The following TBXAS1 variants were observed in gnomAD, a reference collection of about 807,000 sequenced individuals.
The protein encoded by TBXAS1 is thromboxane A synthase 1.
A neutral mutation model predicts 60.7 loss-of-function variants in TBXAS1; 48 were observed. The ratio of observed to expected loss-of-function variants is 0.79; its 90% CI spans 0.63 to 1.01. The LOEUF is 1.01. Ranked by LOEUF, TBXAS1 falls within the 50% of genes least tolerant of loss-of-function variation. The pLI is 0.00. For synonymous variants in TBXAS1, 287 were observed against 269.7 expected (o/e 1.06, Z -0.63); for missense variants, 685 against 686.3 (o/e 1.00, Z 0.02).
At chr7:139,913,385 C>T in intron 4 of TBXAS1, 1 of 494,410 alleles carries the variant, frequency 2.0e-6, no homozygotes, top group Non-Finnish European at 3.7e-6. Flanking sequence ...GCACGGACCA[C>T]CAAGCCACAT....
intron 4 of TBXAS1, among the ~76,000 whole-genome samples, chr7:139,917,375 G>A (rs2117082252): frequency 6.6e-6 from 1 of 152,298 alleles, no homozygotes. Context: ...CCATAGCCCA[G>A]TGGTATGGCG....
At chr7:139,969,546 G>A (rs1415587383) in intron 9 of TBXAS1, among the ~76,000 whole-genome samples, 3 of 150,242 alleles carry the variant, frequency 2.0e-5, no homozygotes, top group Non-Finnish European at 4.4e-5. Flanking sequence ...AAAGGGTTGA[G>A]CAGGAAAAAA....
upstream of TBXAS1, chr7:139,829,073 T>C (rs142557574): frequency 8.7e-3 from 3,770 of 434,236 alleles, 31 homozygotes; most frequent in Middle Eastern, 0.02. Context: ...ACAACCATTT[T>C]GTTTCTCAGC....
chr7:139,951,909 GAAAGAAAGAGAGAAAGAA>G (rs1569518365), intron 5 of TBXAS1, among the ~76,000 whole-genome samples: 2 of 71,220 alleles, frequency 2.8e-5, no homozygotes, highest in African/African-American at 1.1e-4. Flanking sequence ...GAAAGAAAGA[GAAAGAAAGAGAGAAAGAA>G]AGAGAGAAAG....
intron 10 of TBXAS1, among the ~76,000 whole-genome samples, chr7:140,012,200 A>G (rs1814669612): frequency 6.6e-6 from 1 of 152,214 alleles, no homozygotes; most frequent in Non-Finnish European, 1.5e-5. Context: ...TACCTGGGAT[A>G]GGAAATGGCC....
At chr7:139,793,837 A>G (rs568699301) in intron 4 of TBXAS1, among the ~76,000 whole-genome samples, 102 of 152,298 alleles carry the variant, frequency 6.7e-4, no homozygotes, top group Non-Finnish European at 1.0e-3. Flanking sequence ...AAGTGTTGAG[A>G]CCAATCTGAC....
At chr7:139,909,895 C>T (rs909105136) in intron 3 of TBXAS1, among the ~76,000 whole-genome samples, 1 of 152,182 alleles carries the variant, frequency 6.6e-6, no homozygotes, top group East Asian at 1.9e-4. Flanking sequence ...TTGCTTTGCA[C>T]AGTTGGTAGT....
At chr7:139,829,560 T>A in intron 1 of TBXAS1, 81 bp downstream of exon 1, 4 of 1,323,644 alleles carry the variant, frequency 3.0e-6, no homozygotes, top group Non-Finnish European at 4.3e-6. Context: ...GCGGGGTATG[T>A]GGGAGTGTGT....
chr7:139,868,652 A>AT (rs71170918), intron 1 of TBXAS1, among the ~76,000 whole-genome samples: 20,012 of 105,018 alleles, frequency 0.19, 2,215 homozygotes, highest in Non-Finnish European at 0.26. Context: ...CCTGGCTAAT[A>AT]TTTTTTTTTT....
chr7:139,812,381 C>T (rs2116404000), intron 4 of TBXAS1, among the ~76,000 whole-genome samples: 1 of 152,284 alleles, frequency 6.6e-6, no homozygotes, highest in Middle Eastern at 3.4e-3. Flanking sequence ...AGATGCTTTA[C>T]CCTGAACCAA....
chr7:139,823,823 T>C (rs1047652836), intron 4 of TBXAS1, among the ~76,000 whole-genome samples: 3 of 152,168 alleles, frequency 2.0e-5, no homozygotes, highest in Admixed American at 1.3e-4. Flanking sequence ...ATGAAAAGTA[T>C]TGGTCACTTA....
intron 4 of TBXAS1, among the ~76,000 whole-genome samples, chr7:139,807,602 C>T (rs539314415): frequency 6.6e-6 from 1 of 152,226 alleles, no homozygotes; most frequent in East Asian, 1.9e-4. Context: ...CCAGGATGGT[C>T]TCGATCTCTT....
At chr7:139,882,506 G>A (rs1446372211) in intron 3 of TBXAS1, among the ~76,000 whole-genome samples, 1 of 152,194 alleles carries the variant, frequency 6.6e-6, no homozygotes, top group Non-Finnish European at 1.5e-5. Context: ...ATGCTAAGGA[G>A]TCAAACTTTA....
chr7:140,016,121 GA>G (rs1367142275), intron 11 of TBXAS1, among the ~76,000 whole-genome samples: 8 of 152,244 alleles, frequency 5.3e-5, no homozygotes, highest in African/African-American at 1.2e-4. Context: ...GAGGTCAGGA[GA>G]TCGAGACCAT....
chr7:139,881,455 T>C (rs34027661), intron 3 of TBXAS1, among the ~76,000 whole-genome samples: 67,157 of 149,456 alleles, frequency 0.45, 15,084 homozygotes, highest in African/African-American at 0.54. Flanking sequence ...ACACCCTTTT[T>C]CCCCCCCTCC....
At chr7:139,789,976 C>T (rs1049861396) in intron 4 of TBXAS1, among the ~76,000 whole-genome samples, 3 of 152,256 alleles carry the variant, frequency 2.0e-5, no homozygotes, top group African/African-American at 7.2e-5. Context: ...CACACGGAGT[C>T]CTAGGTCAAT....
chr7:139,980,695 CAA>C (rs1468996096), intron 9 of TBXAS1, among the ~76,000 whole-genome samples: 2 of 151,642 alleles, frequency 1.3e-5, no homozygotes, highest in Non-Finnish European at 2.9e-5. Context: ...TCAGGATAAA[CAA>C]AGAGTCCCTC....
intron 1 of TBXAS1, among the ~76,000 whole-genome samples, chr7:139,847,036 G>A (rs1408698620): frequency 1.3e-5 from 2 of 152,116 alleles, no homozygotes; most frequent in East Asian, 3.9e-4. Flanking sequence ...ATGAGGGTTT[G>A]TGAGCAATAA....
intron 4 of TBXAS1, among the ~76,000 whole-genome samples, chr7:139,801,813 G>T (rs1291315422): frequency 6.6e-6 from 1 of 152,078 alleles, no homozygotes; most frequent in Non-Finnish European, 1.5e-5. Context: ...ACCCAGGCTA[G>T]AGTGCAGTGG....
Sources: gnomAD v4.1 joint callset for allele counts (sites outside exome capture counted in the v4.1 genomes callset) on GRCh38, gnomAD v4.1.1 for gene constraint, MANE v1.5 for transcripts, NCBI Gene and HGNC (gene_info 2026-07-23, HGNC 2026-07-21) for gene names.